The following PTPRM variants were observed in gnomAD, a reference collection of about 807,000 sequenced individuals.
PTPRM encodes protein tyrosine phosphatase receptor type M, also known as receptor-type tyrosine-protein phosphatase mu.
In PTPRM, 47 loss-of-function variants were observed where a neutral mutation model predicts 186.7. The observed-to-expected ratio is 0.25, with a 90% CI of 0.20 to 0.32. The LOEUF is 0.32. PTPRM is among the 10% of genes least tolerant of loss of function. The pLI is 1.00. For synonymous variants in PTPRM, 668 were observed against 674.9 expected (o/e 0.99, Z 0.16); for missense variants, 1,494 against 1,865.0 (o/e 0.80, Z 3.66).
chr18:8,378,900 C>T (rs1230766099), intron 27 of PTPRM, among the ~76,000 whole-genome samples: 1 of 152,198 alleles, frequency 6.6e-6, no homozygotes, highest in East Asian at 1.9e-4. Context: ...GTGCCTCACT[C>T]CACTGGGACT....
intron 2 of PTPRM, among the ~76,000 whole-genome samples, chr18:7,820,664 C>T (rs1207810720): frequency 6.6e-6 from 1 of 152,126 alleles, no homozygotes; most frequent in African/African-American, 2.4e-5. Context: ...AAATGTTTCC[C>T]TGGAAGGTTC....
intron 14 of PTPRM, among the ~76,000 whole-genome samples, chr18:8,157,047 C>T (rs1248108824): frequency 6.6e-6 from 1 of 152,074 alleles, no homozygotes; most frequent in African/African-American, 2.4e-5. Context: ...CTTTCCTCCT[C>T]AGAGACAAAT....
At chr18:8,404,129 G>A (rs978965592) in intron 32 of PTPRM, 2 of 152,210 alleles carry the variant, frequency 1.3e-5, no homozygotes, top group African/African-American at 4.8e-5. Flanking sequence ...GGAGCTGCCA[G>A]ACGGTTTTCC....
intron 22 of PTPRM, among the ~76,000 whole-genome samples, chr18:8,324,978 T>C (rs2095366858): frequency 6.6e-6 from 1 of 152,194 alleles, no homozygotes; most frequent in Non-Finnish European, 1.5e-5. Context: ...TGTTACTGTT[T>C]TTGAGAAACA....
At chr18:7,783,715 G>T (rs149723696) in intron 2 of PTPRM, among the ~76,000 whole-genome samples, 1,768 of 151,638 alleles carry the variant, frequency 0.012, 40 homozygotes, top group African/African-American at 0.04. Flanking sequence ...GGGACTATAG[G>T]TGCATGCCAC....
rs1555710874 is a variant in PTPRM at position 8,054,298 on chromosome 18, A to ATATATATATATATATATATATATATAT, written c.1133-15388_1133-15387insTATATATATATATATATATATATATAT. Reference sequence around the variant, plus strand: ...AGTAGTAATATATACTAGTAGTAGTAATATATATATATATATATATATATT... The same window carrying ATATATATATATATATATATATATATAT: ...AGTAGTAATATATACTAGTAGTAGTATATATATATATATATATATATATATATATATATATATATATATATATATATT... On this transcript the variant is annotated intron_variant, in intron 7 of 32. Transcript: ENST00000580170. 8.7e-4 allele frequency among the ~76,000 whole-genome samples: 114 copies of ATATATATATATATATATATATATATAT among 131,652 alleles called. 3 individuals carry two copies. Among genetic ancestry groups the ATATATATATATATATATATATATATAT allele is most frequent in the African/African-American group, 3.5e-3 (109 of 30,758 alleles). The allele number at this position is 131,652 out of a possible 152,430, so 86.4% of individuals were successfully genotyped here.
intron 14 of PTPRM, among the ~76,000 whole-genome samples, chr18:8,162,190 C>T (rs2146351532): frequency 6.6e-6 from 1 of 151,792 alleles, no homozygotes; most frequent in South Asian, 2.1e-4. Flanking sequence ...ACCTCTGCCT[C>T]CTGGGTTCAA....
At chr18:7,832,994 C>G (rs2045838820) in intron 2 of PTPRM, among the ~76,000 whole-genome samples, 1 of 152,010 alleles carries the variant, frequency 6.6e-6, no homozygotes, top group South Asian at 2.1e-4. Context: ...TTTTTTATGC[C>G]AGTACCATGT....
At chr18:7,829,720 G>A (rs1186439178) in intron 2 of PTPRM, among the ~76,000 whole-genome samples, 3 of 152,154 alleles carry the variant, frequency 2.0e-5, no homozygotes, top group African/African-American at 2.4e-5. Context: ...AAACTTTCAT[G>A]TGGTACTTCC....
intron 2 of PTPRM, among the ~76,000 whole-genome samples, chr18:7,865,527 G>T (rs547984454): frequency 2.4e-4 from 36 of 152,284 alleles, no homozygotes; most frequent in African/African-American, 8.4e-4. Flanking sequence ...GCATCCCAGG[G>T]ATGAAGCTGA....
intron 7 of PTPRM, among the ~76,000 whole-genome samples, chr18:8,007,519 A>G (rs533190870): frequency 2.6e-5 from 4 of 152,156 alleles, no homozygotes; most frequent in Non-Finnish European, 5.9e-5. Flanking sequence ...TTTTCAAATG[A>G]AATTAAAGCA....
At chr18:8,295,753 T>C (rs2095090421) in intron 19 of PTPRM, among the ~76,000 whole-genome samples, 2 of 152,072 alleles carry the variant, frequency 1.3e-5, no homozygotes, top group African/African-American at 4.8e-5. Flanking sequence ...ACATTTTCAT[T>C]ACAACTTGAA....
At chr18:8,155,217 A>G (rs1303993177) in intron 14 of PTPRM, 1 of 152,220 alleles carries the variant, frequency 6.6e-6, no homozygotes, top group African/African-American at 2.4e-5. Flanking sequence ...ATGTATCTCA[A>G]TAACATGTTT....
intron 3 of PTPRM, among the ~76,000 whole-genome samples, chr18:7,899,219 A>T (rs1341270697): frequency 1.3e-5 from 2 of 152,190 alleles, no homozygotes; most frequent in Non-Finnish European, 2.9e-5. Context: ...TAACTAGACC[A>T]CGATAAGGAT....
chr18:7,849,291 T>C (rs1368826092), intron 2 of PTPRM, among the ~76,000 whole-genome samples: 1 of 152,204 alleles, frequency 6.6e-6, no homozygotes, highest in Admixed American at 6.5e-5. Flanking sequence ...CAAGAAAGTG[T>C]TTTTCTCCTG....
At chr18:7,709,322 G>A (rs562895055) in intron 1 of PTPRM, among the ~76,000 whole-genome samples, 2 of 152,000 alleles carry the variant, frequency 1.3e-5, no homozygotes, top group Non-Finnish European at 2.9e-5. Context: ...GGTTAATAAC[G>A]AACTCAAGGT....
At chr18:7,943,576 T>G (rs541374209) in intron 5 of PTPRM, among the ~76,000 whole-genome samples, 1 of 152,274 alleles carries the variant, frequency 6.6e-6, no homozygotes, top group East Asian at 1.9e-4. Context: ...CTTCATCATC[T>G]TACTGTTTTG....
chr18:8,250,400 A>C (rs994016557), intron 17 of PTPRM, among the ~76,000 whole-genome samples: 10 of 152,288 alleles, frequency 6.6e-5, no homozygotes, highest in Non-Finnish European at 8.8e-5. Context: ...ACTAATTTTC[A>C]GTTCTTAGAA....
intron 7 of PTPRM, among the ~76,000 whole-genome samples, chr18:8,029,091 C>T (rs2085767184): frequency 6.6e-6 from 1 of 152,238 alleles, no homozygotes; most frequent in Admixed American, 6.5e-5. Flanking sequence ...AACTTCCTGT[C>T]TGGTTCATTC....
Sources: gnomAD v4.1 joint callset for allele counts (sites outside exome capture counted in the v4.1 genomes callset) on GRCh38, gnomAD v4.1.1 for gene constraint, MANE v1.5 for transcripts, NCBI Gene and HGNC (gene_info 2026-07-23, HGNC 2026-07-21) for gene names.